The following KMT2C variants were observed in gnomAD, a reference collection of about 807,000 sequenced individuals.
The protein encoded by KMT2C is histone-lysine N-methyltransferase 2C.
In KMT2C, 88 loss-of-function variants were observed where a neutral mutation model predicts 507.9. That is an observed-to-expected ratio of 0.17 (90% CI 0.15 to 0.21). KMT2C has a LOEUF of 0.21. Among genes scored for constraint, KMT2C ranks in the 10% least tolerant of loss-of-function variants. The probability of loss-of-function intolerance (pLI) is 1.00; values close to 1 mark genes in which losing one functional copy is unlikely to be tolerated. For missense variants in KMT2C, 4,954 were observed against 5,957.8 expected (o/e 0.83, Z 5.55); for synonymous variants, 2,049 against 2,080.8 (o/e 0.98, Z 0.42).
chr7:152,297,403 C>G (rs925238082), intron 6 of KMT2C, among the ~76,000 whole-genome samples: 4 of 152,178 alleles, frequency 2.6e-5, no homozygotes, highest in African/African-American at 9.7e-5. Flanking sequence ...GAGATCTTCT[C>G]TCAAGCATTC....
chr7:152,183,163 C>G lies in KMT2C; in HGVS notation c.5083-7G>C, dbSNP rs2129121648. ...TGTTATCTCTGGCTTTTTGCTTTGA[C>G]AAAAGAAGAGAAAAAAATTTCCCAG... On this transcript the variant is annotated splice_polypyrimidine_tract_variant and splice_region_variant and intron_variant, in intron 34 of 58. Transcript: ENST00000262189. 2 of 1,506,356 alleles carry G rather than the reference C, an allele frequency of 1.3e-6. No homozygotes were observed. The highest frequency in any genetic ancestry group is 2.4e-5 in the East Asian group (1 of 41,346). 93.3% of individuals were successfully genotyped at this position (1,506,356 alleles called of 1,614,324 possible). A position where few individuals can be genotyped will look rare whatever the true frequency, so the allele number is the denominator to read the frequency against.
chr7:152,196,072 C>A, intron 27 of KMT2C, 61 bp from the exon 28 acceptor site: 1 of 968,640 alleles, frequency 1.0e-6, no homozygotes, highest in Non-Finnish European at 1.5e-6. Flanking sequence ...AAGCCATTTG[C>A]TAAAAACCTA....
At chr7:152,252,295 T>A (rs1200535499) in intron 10 of KMT2C, among the ~76,000 whole-genome samples, 1 of 152,220 alleles carries the variant, frequency 6.6e-6, no homozygotes, top group Non-Finnish European at 1.5e-5. Context: ...TACTTGACAT[T>A]TTTAAGCTAT....
chr7:152,423,848 C>T (rs1339454127), intron 1 of KMT2C, among the ~76,000 whole-genome samples: 1 of 152,000 alleles, frequency 6.6e-6, no homozygotes, highest in African/African-American at 2.4e-5. Flanking sequence ...TACAAGTCAA[C>T]AAAAATAAAT....
intron 1 of KMT2C, among the ~76,000 whole-genome samples, chr7:152,412,767 G>C (rs960838522): frequency 6.6e-6 from 1 of 152,040 alleles, no homozygotes; most frequent in Admixed American, 6.6e-5. Context: ...ATATTGTGGT[G>C]GGGGGGATGG....
intron 2 of KMT2C, among the ~76,000 whole-genome samples, chr7:152,338,339 A>G (rs2096957700): frequency 6.6e-6 from 1 of 152,240 alleles, no homozygotes. Flanking sequence ...AGTACATACT[A>G]TAATTTCTAT....
At chr7:152,149,918 GAAA>G (rs913577705) in intron 51 of KMT2C, among the ~76,000 whole-genome samples, 1 of 149,056 alleles carries the variant, frequency 6.7e-6, no homozygotes, top group Non-Finnish European at 1.5e-5. Flanking sequence ...ACTATCTGGT[GAAA>G]AAAAAAATCC....
intron 1 of KMT2C, among the ~76,000 whole-genome samples, chr7:152,424,301 G>T (rs566797497): frequency 1.3e-5 from 2 of 152,134 alleles, no homozygotes; most frequent in African/African-American, 4.8e-5. Flanking sequence ...TGTTCTTAGC[G>T]TCCCTTAATT....
At position 152,259,446 on chromosome 7, in the gene KMT2C, G is replaced by GCACACACACACA. The variant is rs372982101; in HGVS notation, c.1299+3558_1299+3569dup. The stretch of plus-strand genomic sequence containing the variant: ...GACAAAAACACAGACACACACACGC[G>GCACACACACACA]CACACACACACACACACACACACAC... On this transcript the variant is annotated intron_variant, in intron 9 of 58. Transcript: ENST00000262189. 3.9e-3 allele frequency among the ~76,000 whole-genome samples: 525 copies of GCACACACACACA among 134,762 alleles called. 3 individuals are homozygous for GCACACACACACA. The highest frequency in any genetic ancestry group is 6.3e-3 in the Non-Finnish European group (399 of 62,966). The allele number at this position is 134,762 out of a possible 152,430, so 88.4% of individuals were successfully genotyped here. A position where few individuals can be genotyped will look rare whatever the true frequency, so the allele number is the denominator to read the frequency against.
intron 12 of KMT2C, among the ~76,000 whole-genome samples, 183 bp downstream of exon 12, chr7:152,250,670 G>A (rs1262196318): frequency 6.6e-6 from 1 of 152,102 alleles, no homozygotes. Context: ...AGTCTAGATG[G>A]TAGCTGAACT....
intron 9 of KMT2C, among the ~76,000 whole-genome samples, chr7:152,254,995 AG>A (rs2095621182): frequency 6.6e-6 from 1 of 151,072 alleles, no homozygotes; most frequent in South Asian, 2.1e-4. Flanking sequence ...ATCAGTATGA[AG>A]AAAATTATAA....
chr7:152,221,025 C>T (rs1050218862), intron 22 of KMT2C, among the ~76,000 whole-genome samples: 3 of 152,070 alleles, frequency 2.0e-5, no homozygotes, highest in Non-Finnish European at 4.4e-5. Context: ...GGGGCCGAGG[C>T]GGCAGGCAGA....
intron 2 of KMT2C, among the ~76,000 whole-genome samples, chr7:152,353,606 T>C (rs781148093): frequency 5.9e-5 from 9 of 152,048 alleles, no homozygotes; most frequent in Non-Finnish European, 1.0e-4. Flanking sequence ...CAAGCGATCC[T>C]CCCACCTCAG....
intron 6 of KMT2C, among the ~76,000 whole-genome samples, chr7:152,282,254 G>A (rs148468768): frequency 2.7e-5 from 4 of 149,630 alleles, no homozygotes; most frequent in East Asian, 2.0e-4. Context: ...CCAAGATTGC[G>A]CCACTGCACT....
At chr7:152,240,095 C>A (rs1434490974) in intron 14 of KMT2C, among the ~76,000 whole-genome samples, 1 of 151,748 alleles carries the variant, frequency 6.6e-6, no homozygotes, top group African/African-American at 2.4e-5. Context: ...TTTTTTCCCT[C>A]CAGGATTACC....
intron 38 of KMT2C, among the ~76,000 whole-genome samples, chr7:152,175,609 T>C (rs887698039): frequency 6.6e-6 from 1 of 152,076 alleles, no homozygotes; most frequent in Non-Finnish European, 1.5e-5. Context: ...AGAATGATGG[T>C]TTCCAGCTTC....
At chr7:152,251,819 G>A (rs190899124) in intron 11 of KMT2C, 120 bp downstream of exon 11, 29 of 588,586 alleles carry the variant, frequency 4.9e-5, no homozygotes, top group South Asian at 8.4e-5. Flanking sequence ...GAGAAACTGA[G>A]AACAAGATGG....
chr7:152,283,746 A>G (rs2129182718), intron 6 of KMT2C, among the ~76,000 whole-genome samples: 1 of 152,258 alleles, frequency 6.6e-6, no homozygotes, highest in South Asian at 2.1e-4. Context: ...AGAAGTGATA[A>G]AGCAGATTTC....
chr7:152,268,883 T>C (rs1458931502), intron 7 of KMT2C, among the ~76,000 whole-genome samples: 11 of 152,158 alleles, frequency 7.2e-5, no homozygotes, highest in South Asian at 4.1e-4. Context: ...TCCAAACAAG[T>C]GAAATGTAAT....
Sources: allele counts gnomAD v4.1 joint callset (sites outside exome capture counted in the v4.1 genomes callset), GRCh38; gene constraint gnomAD v4.1.1; transcripts MANE v1.5; gene names NCBI Gene and HGNC (gene_info 2026-07-23, HGNC 2026-07-21).